SPAG9: variants seen among roughly 807,000 people sequenced by gnomAD.
The protein encoded by SPAG9 is sperm associated antigen 9.
A neutral mutation model predicts 166.5 loss-of-function variants in SPAG9; 35 were observed. That is an observed-to-expected ratio of 0.21 (90% CI 0.16 to 0.28). The LOEUF (loss-of-function observed/expected upper bound fraction) is 0.28, where lower values mean the gene tolerates loss of function less well. Ranked by LOEUF, SPAG9 falls within the 10% of genes least tolerant of loss-of-function variation. The pLI, the probability that SPAG9 is intolerant of heterozygous loss-of-function variation, is 1.00. For synonymous variants in SPAG9, 534 were observed against 565.5 expected, an observed-to-expected ratio of 0.94 and a Z score of 0.79; for missense variants, 1,235 against 1,603.3, an observed-to-expected ratio of 0.77 and a Z score of 3.92.
chr17:51,084,809 T>C (rs1306427356), intron 1 of SPAG9, among the ~76,000 whole-genome samples: 4 of 152,164 alleles, frequency 2.6e-5, no homozygotes, highest in African/African-American at 9.7e-5. Flanking sequence ...GATGCTGTGC[T>C]ATCAAACTGC....
intron 2 of SPAG9, among the ~76,000 whole-genome samples, chr17:51,064,006 C>A (rs764829709): frequency 6.6e-6 from 1 of 152,066 alleles, no homozygotes; most frequent in Non-Finnish European, 1.5e-5. Context: ...ATAAATTAGA[C>A]GTTAAGTATT....
intron 22 of SPAG9, 90 bp downstream of exon 22, chr17:50,987,022 T>C: frequency 7.7e-7 from 1 of 1,299,436 alleles, no homozygotes; most frequent in Non-Finnish European, 1.1e-6. Flanking sequence ...TCCACACTTT[T>C]TGTATTTGTT....
At chr17:50,981,157 C>T (rs570723964) in intron 25 of SPAG9, among the ~76,000 whole-genome samples, 22 of 91,162 alleles carry the variant, frequency 2.4e-4, no homozygotes, top group African/African-American at 6.0e-4. Context: ...GATATGATAC[C>T]ATAAGTCACG....
At chr17:51,021,883 G>A (rs1167257242) in intron 6 of SPAG9, among the ~76,000 whole-genome samples, 3 of 152,082 alleles carry the variant, frequency 2.0e-5, no homozygotes, top group African/African-American at 4.8e-5. Flanking sequence ...CCAACACTTT[G>A]GGAGGCCGAG....
chr17:51,004,080 T>A (rs1484480714), intron 12 of SPAG9, among the ~76,000 whole-genome samples: 1 of 152,172 alleles, frequency 6.6e-6, no homozygotes, highest in Non-Finnish European at 1.5e-5. Context: ...GAAAAGAAGC[T>A]GGTCTCCAAG....
intron 2 of SPAG9, among the ~76,000 whole-genome samples, chr17:51,059,307 T>A (rs773376851): frequency 6.6e-6 from 1 of 152,082 alleles, no homozygotes; most frequent in Non-Finnish European, 1.5e-5. Flanking sequence ...GGCACTTTCC[T>A]CTGCTTGAAT....
At chr17:51,048,221 C>G (rs767894526) in intron 3 of SPAG9, among the ~76,000 whole-genome samples, 4 of 151,978 alleles carry the variant, frequency 2.6e-5, no homozygotes, top group Non-Finnish European at 5.9e-5. Flanking sequence ...CCAAGAACTT[C>G]TAATGTCCTA....
chr17:51,109,581 C>T (rs1349070930), intron 1 of SPAG9, among the ~76,000 whole-genome samples: 1 of 152,096 alleles, frequency 6.6e-6, no homozygotes, highest in Non-Finnish European at 1.5e-5. Flanking sequence ...GCAAACACTT[C>T]CTCCCAGATG....
At chr17:51,093,321 A>G (rs2048520621) in intron 1 of SPAG9, among the ~76,000 whole-genome samples, 1 of 152,010 alleles carries the variant, frequency 6.6e-6, no homozygotes. Context: ...AGGGGCATGT[A>G]CAAAGACATT....
At chr17:51,062,082 GT>G (rs2047534274) in intron 2 of SPAG9, among the ~76,000 whole-genome samples, 1 of 152,104 alleles carries the variant, frequency 6.6e-6, no homozygotes, top group Non-Finnish European at 1.5e-5. Context: ...ACTACCTGGA[GT>G]TACAGATGAC....
intron 21 of SPAG9, among the ~76,000 whole-genome samples, chr17:50,988,458 A>T (rs1422794147): frequency 6.6e-6 from 1 of 152,196 alleles, no homozygotes; most frequent in Non-Finnish European, 1.5e-5. Context: ...TCTAGAGGGG[A>T]TCTAGAAAAG....
intron 1 of SPAG9, among the ~76,000 whole-genome samples, chr17:51,083,556 T>TTTATTTATTTATTTAG (rs1391990563): frequency 6.7e-6 from 1 of 148,978 alleles, no homozygotes; most frequent in African/African-American, 2.5e-5. Context: ...TATTTATTTA[T>TTTATTTATTTATTTAG]TTATTTATTT....
chr17:51,019,509 A>G (rs1201046741), intron 8 of SPAG9, among the ~76,000 whole-genome samples: 1 of 152,104 alleles, frequency 6.6e-6, no homozygotes, highest in African/African-American at 2.4e-5. Context: ...GTGAGCTGAG[A>G]TTGCACCACT....
chr17:51,069,008 C>T (rs1190556036), intron 2 of SPAG9, among the ~76,000 whole-genome samples: 3 of 151,984 alleles, frequency 2.0e-5, no homozygotes, highest in African/African-American at 7.2e-5. Context: ...CATATGTAGG[C>T]TCTAAATAAG....
At chr17:51,069,569 C>T (rs968772263) in intron 2 of SPAG9, among the ~76,000 whole-genome samples, 1 of 151,774 alleles carries the variant, frequency 6.6e-6, no homozygotes, top group Non-Finnish European at 1.5e-5. Flanking sequence ...TGTTTTAAGC[C>T]TTATTTAATT....
chr17:50,979,676 A>G, intron 26 of SPAG9, 70 bp downstream of exon 26: 3 of 1,459,076 alleles, frequency 2.1e-6, no homozygotes, highest in Non-Finnish European at 2.8e-6. Flanking sequence ...CCTCATTTCA[A>G]TAAACACATA....
At chr17:51,097,783 C>A (rs765313396) in intron 1 of SPAG9, among the ~76,000 whole-genome samples, 4 of 151,970 alleles carry the variant, frequency 2.6e-5, no homozygotes, top group Non-Finnish European at 2.9e-5. Context: ...TAGGGAAAAA[C>A]ACTCCCATAT....
chr17:51,065,683 T>C (rs2047642620), intron 2 of SPAG9, among the ~76,000 whole-genome samples: 1 of 152,198 alleles, frequency 6.6e-6, no homozygotes, highest in Non-Finnish European at 1.5e-5. Context: ...GTTTCCTCTT[T>C]TGCTTGGGCA....
chr17:51,013,545 G>A (rs1438525462), intron 9 of SPAG9, among the ~76,000 whole-genome samples: 4 of 152,136 alleles, frequency 2.6e-5, no homozygotes, highest in Non-Finnish European at 5.9e-5. Context: ...GCACACAAGG[G>A]GTCAGCTGGA....
Sources: gnomAD v4.1 joint callset for allele counts (sites outside exome capture counted in the v4.1 genomes callset) on GRCh38, gnomAD v4.1.1 for gene constraint, MANE v1.5 for transcripts, NCBI Gene and HGNC (gene_info 2026-07-23, HGNC 2026-07-21) for gene names.